The following TSC2 variants were observed in gnomAD, a reference collection of about 807,000 sequenced individuals.
TSC2 encodes the protein TSC complex subunit 2, also known as tuberin.
TSC2 carries 29 observed loss-of-function variants against 202.2 expected under a neutral mutation model. The ratio of observed to expected loss-of-function variants is 0.14; its 90% confidence interval spans 0.11 to 0.20. The LOEUF (loss-of-function observed/expected upper bound fraction) is 0.20, where lower values mean the gene tolerates loss of function less well. Ranked by LOEUF, TSC2 falls within the 10% of genes least tolerant of loss-of-function variation. The pLI is 1.00. For missense variants in TSC2, 2,429 were observed against 2,420.0 expected, an observed-to-expected ratio of 1.00 and a Z score of -0.08; for synonymous variants, 1,349 against 1,044.0, an observed-to-expected ratio of 1.29 and a Z score of -5.63.
intron 32 of TSC2, chr16:2,082,759 G>T (rs371746741): frequency 1.7e-6 from 1 of 583,674 alleles, no homozygotes; most frequent in East Asian, 2.9e-5. Flanking sequence ...TCAGGCCTGA[G>T]GGGTGGGGGT....
At position 2,084,365 on chromosome 16, in the gene TSC2, C is replaced by T. The variant is rs1555514056; in HGVS notation, c.4143C>T (p.Pro1381=). 1.2e-6 allele frequency: 2 copies of T among 1,612,666 alleles called. No individual in the cohort carries two copies. The highest frequency in any genetic ancestry group is 1.7e-6 in the Non-Finnish European group (2 of 1,179,980). Residue 1381 remains proline (P), a synonymous_variant, in exon 34 of 42, where the codon CCC becomes CCT. Transcript: ENST00000219476. ...SVDLSFQPSQ[P]LSKSSSSPEL... is the part of the protein sequence containing the mutation. ...ACCTCTCCTTCCAGCCCTCGCAGCC[C>T]CTGAGCAAGTCCAGCTCCTCTCCCG...
At chr16:2,059,126 C>G (rs1421240221) in intron 10 of TSC2, among the ~76,000 whole-genome samples, 1 of 150,508 alleles carries the variant, frequency 6.6e-6, no homozygotes, top group East Asian at 2.0e-4. Context: ...TCAAGTGATT[C>G]TATTGCCTCA....
chr16:2,064,876 G>A lies in TSC2; in HGVS notation c.1599+449G>A, dbSNP rs1596314279. 2.0e-5 allele frequency: 5 copies of A among 253,002 alleles called. No homozygotes were observed. The East Asian group carries it at 5.0e-4, about 25-fold the overall frequency. 15.7% of individuals were successfully genotyped at this position (253,002 alleles called of 1,614,324 possible). ...CGCCTGTAATCCCAGCATTTTGGGAGGCTGAGGCAGGTGGATTGCTTGAGT... is the reference window on the plus strand; with the variant it reads ...CGCCTGTAATCCCAGCATTTTGGGAAGCTGAGGCAGGTGGATTGCTTGAGT... On this transcript the variant is annotated intron_variant, in intron 15 of 41. Coordinates refer to ENST00000219476, the MANE Select transcript of TSC2 (RefSeq NM_000548.5).
chr16:2,054,420 C>T lies in TSC2; in HGVS notation c.461C>T (p.Thr154Ile), dbSNP rs1215092245. The change falls in exon 5 of 42, where the codon ACC (threonine) becomes ATC (isoleucine). Residue 154 changes from threonine (T) to isoleucine (I), a missense_variant. Physicochemically the swap from Thr to Ile is moderately conservative, Grantham distance 89. Coordinates refer to ENST00000219476, the MANE Select transcript of TSC2 (RefSeq NM_000548.5). ...CTCACAGACAATGGGAGACACATCA[C>T]CTACTTGGAGGAAGAGCTGGGTGGG... is the stretch of plus-strand genomic sequence containing the variant. The part of the protein sequence containing the change: ...KALTDNGRHI[T>I]YLEEELADFV... 6.2e-7 allele frequency: 1 copy of T among 1,614,200 alleles called. No individual in the cohort carries two copies. Among genetic ancestry groups the T allele is most frequent in the Non-Finnish European group, 8.5e-7 (1 of 1,180,038 alleles).
intron 21 of TSC2, 23 bp downstream of exon 21, chr16:2,073,006 G>A: frequency 6.2e-7 from 1 of 1,613,078 alleles, no homozygotes; most frequent in Non-Finnish European, 8.5e-7. Flanking sequence ...AGCAGGACAG[G>A]CGAGCTTGAT....
rs397515318 is a variant in TSC2 at position 2,088,448 on chromosome 16, C to T, written c.5262C>T (p.Ile1754=). 6.2e-7 allele frequency: 1 copy of T among 1,612,692 alleles called. No individual in the cohort carries two copies. Among genetic ancestry groups the T allele is most frequent in the Admixed American group, 1.7e-5 (1 of 60,004 alleles). Residue 1754 remains isoleucine (I), a splice_region_variant and synonymous_variant, in exon 42 of 42, where the codon ATC becomes ATT. Coordinates refer to ENST00000219476, the MANE Select transcript of TSC2 (RefSeq NM_000548.5). ...GCCCAAGCCGCCTCTGCCTTCAGAT[C>T]TGCGAGGAAGCCGCCTACTCCAACC... The part of the protein sequence containing the change: ...LRHIKRLRQR[I]CEEAAYSNPS...
intron 15 of TSC2, chr16:2,064,716 C>G (rs558662737): frequency 2.0e-6 from 1 of 512,254 alleles, no homozygotes; most frequent in Non-Finnish European, 3.6e-6. Flanking sequence ...GGGCTTTGGC[C>G]TGCCGTCCTC....
Position 2,081,790 on chromosome 16 carries a change from C to G in TSC2, c.3806C>G (p.Ser1269Cys), listed in dbSNP as rs1464179701. 6 of 1,612,332 alleles carry G rather than the reference C, an allele frequency of 3.7e-6. No individual in the cohort carries two copies. In the South Asian group the frequency reaches 6.6e-5, roughly 18 times the overall value. ...STAKPPPLPRSNTVASFSSLY... is the reference protein window; with the variant it reads ...STAKPPPLPRCNTVASFSSLY... ...GCCAAACCCCCTCCTCTGCCTCGCT[C>G]CAACACAGGTGAGTGGCATGGCGGG... Residue 1269 changes from serine (S) to cysteine (C), a missense_variant, in exon 31 of 42, where the codon TCC (serine) becomes TGC (cysteine). Physicochemically the swap from Ser to Cys is moderately radical, Grantham distance 112. Transcript: ENST00000219476.
chr16:2,069,029 G>T (rs2087817808), intron 16 of TSC2, among the ~76,000 whole-genome samples: 1 of 152,190 alleles, frequency 6.6e-6, no homozygotes, highest in South Asian at 2.1e-4. Flanking sequence ...TCTCTCGGGT[G>T]GGAGAGGCGG....
Position 2,062,506 on chromosome 16 carries a change from C to T in TSC2, c.1267C>T (p.Leu423Phe), listed in dbSNP as rs746586340. The change falls in exon 13 of 42, where the codon CTC becomes TTC. Residue 423 changes from leucine (L) to phenylalanine (F), a missense_variant. Leu to Phe is a conservative substitution (Grantham distance 22, BLOSUM62 0). Coordinates refer to ENST00000219476, the MANE Select transcript of TSC2 (RefSeq NM_000548.5). ...GCTCTTCTTTTGACAGGAGTCCTCC[C>T]TCCTGAACCTGATCTCCTATAGAGC... ...RCADQRPESS[L>F]LNLISYRAQS... The T allele has an allele frequency of 1.2e-6, 2 of 1,610,458 alleles. No homozygotes were observed. Among genetic ancestry groups the T allele is most frequent in the Non-Finnish European group, 1.7e-6 (2 of 1,178,256 alleles).
Position 2,083,835 on chromosome 16 carries a change from C to T in TSC2, c.4005+19C>T. On this transcript the variant is annotated intron_variant, in intron 33 of 41. Coordinates refer to ENST00000219476, the MANE Select transcript of TSC2 (RefSeq NM_000548.5). ...CAGCAGGGTGAGTGTGGCTCAGAGC[C>T]TGGACCCTGCTGACCTCGGGGGGCT... is the stretch of plus-strand genomic sequence containing the variant. The T allele has an allele frequency of 6.2e-7, 1 of 1,606,130 alleles. No homozygotes were observed. The highest frequency in any genetic ancestry group is 8.5e-7 in the Non-Finnish European group (1 of 1,177,478).
chr16:2,065,449 AG>A (rs1355065213), intron 15 of TSC2, 69 bp from the exon 16 acceptor site: 1 of 911,312 alleles, frequency 1.1e-6, no homozygotes, highest in Non-Finnish European at 1.8e-6. Context: ...TGTTTGTGGT[AG>A]AAAGTGTTCT....
chr16:2,052,964 G>A (rs1026034217), intron 3 of TSC2, among the ~76,000 whole-genome samples: 4 of 152,212 alleles, frequency 2.6e-5, no homozygotes, highest in Non-Finnish European at 5.9e-5. Flanking sequence ...CTAGGGCTTA[G>A]TGTGCACTTG....
chr16:2,082,414 C>T (rs758874877), intron 31 of TSC2, 22 bp from the exon 32 acceptor site: 26 of 1,612,214 alleles, frequency 1.6e-5, no homozygotes, highest in Admixed American at 3.3e-5. Flanking sequence ...CTGACGTGGC[C>T]GCACACGGCC....
At chr16:2,072,061 T>A in intron 19 of TSC2, 127 bp downstream of exon 19, 2 of 1,477,622 alleles carry the variant, frequency 1.4e-6, no homozygotes, top group Non-Finnish European at 1.8e-6. Context: ...GAGCTGAGCC[T>A]TCCCCCTTCC....
chr16:2,079,431 G>A lies in TSC2; in HGVS notation c.3284+3G>A, dbSNP rs2089847916. 1.9e-6 allele frequency: 3 copies of A among 1,612,768 alleles called. No individual in the cohort carries two copies. The highest frequency in any genetic ancestry group is 1.7e-6 in the Non-Finnish European group (2 of 1,180,000). ...CTGCAGTCCGGCCCGGAGTCGAGGT[G>A]ACTGCACCTTCCTTTCCTCCGCGCC... On this transcript the variant is annotated splice_donor_region_variant and intron_variant, in intron 28 of 41. Coordinates refer to ENST00000219476, the MANE Select transcript of TSC2 (RefSeq NM_000548.5). This position sits in a 1 kb window ranked among gnomAD's most constrained non-coding sequence, Gnocchi z 4.6.
At chr16:2,056,024 C>T (rs1042233515) in intron 6 of TSC2, 172 bp from the exon 7 acceptor site, 45 of 741,384 alleles carry the variant, frequency 6.1e-5, no homozygotes, top group East Asian at 3.0e-4. Context: ...CACCCAGCAC[C>T]GAGAGCAGTG....
Position 2,080,285 on chromosome 16 carries a change from C to G in TSC2, c.3518C>G (p.Thr1173Ser). 1 of 1,612,964 alleles carries G rather than the reference C, an allele frequency of 6.2e-7. No individual in the cohort carries two copies. The highest frequency in any genetic ancestry group is 2.2e-5 in the East Asian group (1 of 44,882). Residue 1173 changes from threonine to serine, a missense_variant, in exon 30 of 42, where the codon ACC becomes AGC. Coordinates refer to ENST00000219476, the MANE Select transcript of TSC2 (RefSeq NM_000548.5). ...AAACCTGAGAAGGCCTCAGCTGGCA[C>G]CCGGGTTCCTGTGCAGGAGAAGACG... The part of the protein sequence containing the change: ...AAKPEKASAG[T>S]RVPVQEKTNL...
At chr16:2,064,577 G>C in intron 15 of TSC2, 150 bp downstream of exon 15, 2 of 1,183,820 alleles carry the variant, frequency 1.7e-6, no homozygotes, top group Non-Finnish European at 2.4e-6. Flanking sequence ...GTGTCCCGAG[G>C]CCTGTGCAGG....
Sources: allele counts gnomAD v4.1 joint callset (sites outside exome capture counted in the v4.1 genomes callset), GRCh38; gene constraint gnomAD v4.1.1; non-coding constraint Gnocchi (gnomAD v3.1); transcripts MANE v1.5; gene names NCBI Gene and HGNC (gene_info 2026-07-23, HGNC 2026-07-21).